The following NLGN3 variants were observed in gnomAD, a reference collection of about 807,000 sequenced individuals.
NLGN3 encodes neuroligin-3.
In NLGN3, 11 loss-of-function variants were observed where a neutral mutation model predicts 42.9. The observed-to-expected ratio is 0.26, with a 90% CI of 0.16 to 0.42. The LOEUF (loss-of-function observed/expected upper bound fraction) is 0.42, where lower values mean the gene tolerates loss of function less well. NLGN3 is among the 10% of genes least tolerant of loss of function. The pLI is 1.00. For missense variants in NLGN3, 374 were observed against 733.8 expected, an observed-to-expected ratio of 0.51 and a Z score of 5.67; for synonymous variants, 279 against 312.7, an observed-to-expected ratio of 0.89 and a Z score of 1.14.
At position 71,167,747 on chromosome X, in the gene NLGN3, T is replaced by C; in HGVS notation, c.1650T>C (p.Asp550=). ...DLFPCNFSKN[D]VMLSAVVMTY... is the part of the protein sequence containing the mutation. ...TCCCCTGCAACTTCTCCAAGAATGA[T>C]GTTATGCTCAGTGCTGTCGTCATGA... Residue 550 remains aspartate (D), a synonymous_variant, in exon 7 of 8, where the codon GAT becomes GAC. Coordinates refer to ENST00000358741, the MANE Select transcript of NLGN3 (RefSeq NM_181303.2). The C allele has an allele frequency of 8.3e-7, 1 of 1,211,559 alleles. No individual in the cohort carries two copies. Among genetic ancestry groups the C allele is most frequent in the Non-Finnish European group, 1.1e-6 (1 of 895,462 alleles).
At position 71,169,978 on chromosome X, in the gene NLGN3, A is replaced by G. The variant is rs1344476096; in HGVS notation, c.2428A>G (p.Thr810Ala). 7 of 1,205,021 alleles carry G rather than the reference A, an allele frequency of 5.8e-6. No individual in the cohort carries two copies. Among genetic ancestry groups the G allele is most frequent in the Non-Finnish European group, 5.6e-6 (5 of 893,279 alleles). Residue 810 changes from threonine to alanine, a missense_variant, in exon 8 of 8, where the codon ACC (threonine) becomes GCC (alanine). By Grantham distance (58) the Thr-to-Ala change is moderately conservative. This residue lies in a region of NLGN3 where 92 missense variants were observed against 108.0 expected (regional missense o/e 0.85). Coordinates refer to ENST00000358741, the MANE Select transcript of NLGN3 (RefSeq NM_181303.2). ...TGACATCCCACTCATGACCCCCAAC[A>G]CCATCACTATGATCCCCAACTCCCT... ...PDDIPLMTPNTITMIPNSLVG... is the reference protein window; with the variant it reads ...PDDIPLMTPNAITMIPNSLVG...
intron 1 of NLGN3, among the ~76,000 whole-genome samples, chrX:71,146,153 TCACA>T (rs752225810): frequency 3.8e-5 from 1 of 26,345 alleles, no homozygotes; most frequent in Non-Finnish European, 7.0e-5. Flanking sequence ...TCTCTCTCTC[TCACA>T]CACACACACA....
rs757481673 is a variant in NLGN3, at chrX:71,167,834, G to A, written c.1703+34G>A. The A allele has an allele frequency of 3.6e-6, 4 of 1,126,726 alleles. No homozygotes were observed. The Admixed American group carries it at 8.8e-5, about 25-fold the overall frequency. 92.9% of individuals were successfully genotyped at this position (1,126,726 alleles called of 1,213,427 possible). A position where few individuals can be genotyped will look rare whatever the true frequency, so the allele number is the denominator to read the frequency against. Reference sequence around the variant, plus strand: ...AAAATAGGGTTTTTTTCCTCTTTGAGACCCCAGCATGCCCTCCCCTCTGCT... The same window carrying A: ...AAAATAGGGTTTTTTTCCTCTTTGAAACCCCAGCATGCCCTCCCCTCTGCT... On this transcript the variant is annotated intron_variant, in intron 7 of 7. Coordinates refer to ENST00000358741, the MANE Select transcript of NLGN3 (RefSeq NM_181303.2).
Position 71,169,969 on chromosome X carries a change from A to G in NLGN3, c.2419A>G (p.Thr807Ala). ...CTCCCCGGATGACATCCCACTCATG[A>G]CCCCCAACACCATCACTATGATCCC... ...RRSPDDIPLM[T>A]PNTITMIPNS... is the part of the protein sequence containing the mutation. The change falls in exon 8 of 8, where the codon ACC becomes GCC. Residue 807 changes from threonine to alanine, a missense_variant. Around this residue, in one of 6 missense-constraint regions of NLGN3, gnomAD observed 92 missense variants for 108.0 expected, o/e 0.85. Transcript: ENST00000358741. 1 of 1,206,439 alleles carries G rather than the reference A, an allele frequency of 8.3e-7. No individual in the cohort carries two copies. The highest frequency in any genetic ancestry group is 1.1e-6 in the Non-Finnish European group (1 of 893,418).
chrX:71,149,514 A>T (rs1158480344), intron 3 of NLGN3, among the ~76,000 whole-genome samples: 1 of 111,772 alleles, frequency 8.9e-6, no homozygotes, highest in Non-Finnish European at 1.9e-5. Flanking sequence ...ATTTACCCTC[A>T]TGCTGAGAGG....
intron 5 of NLGN3, among the ~76,000 whole-genome samples, chrX:71,161,705 C>T (rs757112224): frequency 1.8e-5 from 2 of 111,238 alleles, no homozygotes; most frequent in African/African-American, 6.5e-5. Context: ...ACCTGGGAGG[C>T]GGAGGTTGCA....
intron 3 of NLGN3, among the ~76,000 whole-genome samples, chrX:71,149,237 C>G (rs2092382383): frequency 9.0e-6 from 1 of 111,620 alleles, no homozygotes; most frequent in Non-Finnish European, 1.9e-5. Context: ...GCCAGAGGCT[C>G]CACCCTTTTC....
intron 5 of NLGN3, among the ~76,000 whole-genome samples, chrX:71,159,329 A>G (rs192404491): frequency 0.012 from 1,378 of 111,543 alleles, 26 homozygotes; most frequent in African/African-American, 0.042. Flanking sequence ...TCAAAAAAAA[A>G]AGAAAAGGAA....
At chrX:71,159,212 T>C (rs2092420783) in intron 5 of NLGN3, among the ~76,000 whole-genome samples, 1 of 109,927 alleles carries the variant, frequency 9.1e-6, no homozygotes, top group Non-Finnish European at 1.9e-5. Flanking sequence ...TCCCAGCTAC[T>C]CAAGAGGCTG....
At chrX:71,155,411 G>C (rs764138540) in intron 5 of NLGN3, 48 bp downstream of exon 5, 16 of 1,182,419 alleles carry the variant, frequency 1.4e-5, no homozygotes, top group East Asian at 8.9e-5. Flanking sequence ...CTTCGCAAGG[G>C]GGGAGGAAAG....
chrX:71,173,465 A>G (rs2092474294), downstream of NLGN3, among the ~76,000 whole-genome samples: 1 of 112,284 alleles, frequency 8.9e-6, no homozygotes, highest in Non-Finnish European at 1.9e-5. Context: ...CCCTGGGTCC[A>G]GCTAAAATGC....
In NLGN3 at chrX:71,170,182, GACACACACAC is replaced by G. The variant is rs760166426; in HGVS notation, c.*95_*104del. The G allele has an allele frequency of 1.2e-5, 12 of 1,023,503 alleles. No homozygotes were observed. Among genetic ancestry groups the G allele is most frequent in the Non-Finnish European group, 1.6e-5 (12 of 773,312 alleles). The allele number at this position is 1,023,503 out of a possible 1,213,427, so 84.3% of individuals were successfully genotyped here. A position where few individuals can be genotyped will look rare whatever the true frequency, so the allele number is the denominator to read the frequency against. ...GCACACACACACACACACACACGCAGACACACACACACACACACATATATGTATACGCACG... is the reference window on the plus strand; with the variant it reads ...GCACACACACACACACACACACGCAGACACACACATATATGTATACGCACG... On this transcript the variant is annotated 3_prime_UTR_variant, in exon 8 of 8. Transcript: ENST00000358741.
rs981647733 is a variant in NLGN3 at position 71,170,900 on chromosome X, C to T, written c.*803C>T. 4 of 753,166 alleles carry T rather than the reference C, an allele frequency of 5.3e-6. No individual in the cohort carries two copies. Among genetic ancestry groups the T allele is most frequent in the Non-Finnish European group, 6.3e-6 (4 of 639,223 alleles). 62.1% of individuals were successfully genotyped at this position (753,166 alleles called of 1,213,427 possible). On this transcript the variant is annotated 3_prime_UTR_variant, in exon 8 of 8. Transcript: ENST00000358741. ...GCATTGGCCTGGCCAGACCAGGTGA[C>T]CTTAGATTTGGTGAACAACGTACTA...
chrX:71,163,422 C>A (rs899157020), intron 5 of NLGN3, among the ~76,000 whole-genome samples: 2 of 111,410 alleles, frequency 1.8e-5, no homozygotes, highest in African/African-American at 6.5e-5. Flanking sequence ...GAAATGAGGA[C>A]CTGCCCTGAA....
At chrX:71,155,393 A>G (rs2092405219) in intron 5 of NLGN3, 30 bp downstream of exon 5, 1 of 1,206,016 alleles carries the variant, frequency 8.3e-7, no homozygotes, top group African/African-American at 1.7e-5. Flanking sequence ...GCCTGGAAGG[A>G]AGACTGGCTT....
chrX:71,158,109 A>ACTC (rs2092416416), intron 5 of NLGN3, among the ~76,000 whole-genome samples: 2 of 108,649 alleles, frequency 1.8e-5, no homozygotes, highest in Non-Finnish European at 3.8e-5. Context: ...ACAGAGTCTC[A>ACTC]CTCTGTCACC....
chrX:71,154,844 C>T (rs1761116915), intron 4 of NLGN3, among the ~76,000 whole-genome samples: 1 of 111,677 alleles, frequency 9.0e-6, no homozygotes, highest in South Asian at 3.7e-4. Context: ...TGTCAGGTCC[C>T]AGGACTCCTG....
Position 71,159,004 on chromosome X carries a change from A to G in NLGN3, c.727+3641A>G, listed in dbSNP as rs1001674436. ...GAACAATGCACACATGCGTGTGTGC[A>G]CACACATGCATGTGCGCACACACAC... On this transcript the variant is annotated intron_variant, in intron 5 of 7. Coordinates refer to ENST00000358741, the MANE Select transcript of NLGN3 (RefSeq NM_181303.2). Among the ~76,000 whole-genome samples, 15 of 111,047 alleles carry G rather than the reference A, an allele frequency of 1.4e-4. No homozygotes were observed. The South Asian group carries it at 5.7e-3, about 42-fold the overall frequency.
At chrX:71,146,971 C>T (rs1057319578) in intron 1 of NLGN3, among the ~76,000 whole-genome samples, 2 of 111,226 alleles carry the variant, frequency 1.8e-5, no homozygotes, top group Non-Finnish European at 3.8e-5. Context: ...ACAGGAGGGG[C>T]GCAGGAGGGT....
Sources: gnomAD v4.1 joint callset for allele counts (sites outside exome capture counted in the v4.1 genomes callset) on GRCh38, gnomAD v4.1.1 for gene constraint, gnomAD v4.1.1 regional missense constraint, MANE v1.5 for transcripts, NCBI Gene and HGNC (gene_info 2026-07-23, HGNC 2026-07-21) for gene names.